TMPRSS7: variants seen among roughly 807,000 people sequenced by gnomAD.
The protein encoded by TMPRSS7 is transmembrane protease serine 7.
TMPRSS7 carries 81 observed loss-of-function variants against 95.6 expected under a neutral mutation model. The ratio of observed to expected loss-of-function variants is 0.85; its 90% CI spans 0.71 to 1.02. The LOEUF (loss-of-function observed/expected upper bound fraction) is 1.02. Ranked by LOEUF, TMPRSS7 falls within the 50% of genes least tolerant of loss-of-function variation. The pLI is 0.00. For missense variants in TMPRSS7, 945 were observed against 955.2 expected (o/e 0.99, Z 0.14); for synonymous variants, 364 against 337.8 (o/e 1.08, Z -0.85).
chr3:112,063,234 AC>A (rs112671884), intron 11 of TMPRSS7, among the ~76,000 whole-genome samples: 5,021 of 152,266 alleles, frequency 0.033, 250 homozygotes, highest in African/African-American at 0.1. Flanking sequence ...TGACAAAGTC[AC>A]CCAGCTGAGA....
chr3:112,045,976 T>C, intron 5 of TMPRSS7, 33 bp downstream of exon 5: 1 of 1,509,458 alleles, frequency 6.6e-7, no homozygotes, highest in Non-Finnish European at 9.0e-7. Context: ...TTAGCATTCC[T>C]TCCTGCAGGA....
At chr3:112,078,947 C>T (rs2073747174) in intron 17 of TMPRSS7, 69 bp downstream of exon 17, 3 of 1,557,326 alleles carry the variant, frequency 1.9e-6, no homozygotes, top group Non-Finnish European at 2.6e-6. Flanking sequence ...ACTTAATCTA[C>T]ATAACACTGG....
intron 9 of TMPRSS7, among the ~76,000 whole-genome samples, chr3:112,051,694 TCTCTATTAC>T (rs1194112193): frequency 5.3e-5 from 8 of 150,500 alleles, no homozygotes; most frequent in East Asian, 1.9e-4. Context: ...TATCTATCTA[TCTCTATTAC>T]CTATCTATCT....
intron 15 of TMPRSS7, among the ~76,000 whole-genome samples, chr3:112,076,439 C>A (rs901345175): frequency 6.6e-6 from 1 of 152,170 alleles, no homozygotes; most frequent in African/African-American, 2.4e-5. Context: ...CTGCTTATAG[C>A]ACTTTGATTT....
At chr3:112,075,541 C>G (rs757090455) in intron 15 of TMPRSS7, 49 bp downstream of exon 15, 2 of 1,324,964 alleles carry the variant, frequency 1.5e-6, no homozygotes, top group Admixed American at 3.0e-5. Flanking sequence ...TGGCCATAGA[C>G]AATATATCTG....
intron 1 of TMPRSS7, among the ~76,000 whole-genome samples, chr3:112,037,054 A>G (rs993289282): frequency 1.5e-4 from 23 of 152,186 alleles, no homozygotes; most frequent in African/African-American, 5.1e-4. Flanking sequence ...TAACTGCACA[A>G]ATTGTTCGTA....
At chr3:112,055,021 T>C (rs2073415158) in intron 9 of TMPRSS7, among the ~76,000 whole-genome samples, 1 of 152,092 alleles carries the variant, frequency 6.6e-6, no homozygotes, top group Non-Finnish European at 1.5e-5. Context: ...ATGACAGGCG[T>C]GAGCCACTGC....
At chr3:112,047,119 T>C in intron 6 of TMPRSS7, 107 bp downstream of exon 6, 1 of 668,800 alleles carries the variant, frequency 1.5e-6, no homozygotes, top group East Asian at 2.7e-5. Flanking sequence ...TAATTGCAAG[T>C]GACAGAAATG....
At chr3:112,051,033 A>G (rs774768) in intron 9 of TMPRSS7, among the ~76,000 whole-genome samples, 47,037 of 152,006 alleles carry the variant, frequency 0.31, 7,425 homozygotes, top group African/African-American at 0.35. Flanking sequence ...CAAAGGCATT[A>G]TTGAAGGTTC....
chr3:112,053,874 A>G (rs1390175759), intron 9 of TMPRSS7, among the ~76,000 whole-genome samples: 1 of 152,084 alleles, frequency 6.6e-6, no homozygotes, highest in Non-Finnish European at 1.5e-5. Context: ...AACATTTACC[A>G]CCTCCCTTCT....
At chr3:112,042,654 T>C (rs182675654) in intron 3 of TMPRSS7, among the ~76,000 whole-genome samples, 36 of 152,350 alleles carry the variant, frequency 2.4e-4, no homozygotes, top group African/African-American at 8.7e-4. Flanking sequence ...TATTGCATGC[T>C]TCTATGCACG....
chr3:112,037,839 C>T (rs2073163043), intron 1 of TMPRSS7, among the ~76,000 whole-genome samples: 1 of 152,086 alleles, frequency 6.6e-6, no homozygotes, highest in African/African-American at 2.4e-5. Flanking sequence ...CAATAGAAAC[C>T]ATTTCACTAG....
At chr3:112,062,293 C>T (rs750461612) in intron 11 of TMPRSS7, among the ~76,000 whole-genome samples, 4 of 152,148 alleles carry the variant, frequency 2.6e-5, no homozygotes, top group Non-Finnish European at 5.9e-5. Flanking sequence ...GTAGTGGATC[C>T]AAAGCCAACA....
intron 1 of TMPRSS7, among the ~76,000 whole-genome samples, chr3:112,037,857 A>G (rs2073163209): frequency 6.6e-6 from 1 of 152,224 alleles, no homozygotes. Context: ...TAGGGTTTGT[A>G]TACAGTAATG....
intron 9 of TMPRSS7, among the ~76,000 whole-genome samples, chr3:112,054,074 A>T (rs1467364923): frequency 6.6e-6 from 1 of 152,224 alleles, no homozygotes; most frequent in Non-Finnish European, 1.5e-5. Flanking sequence ...AAGATTCCCC[A>T]GAAGGGAGCT....
chr3:112,051,307 G>A (rs1434441451), intron 9 of TMPRSS7, among the ~76,000 whole-genome samples: 1 of 151,940 alleles, frequency 6.6e-6, no homozygotes, highest in African/African-American at 2.4e-5. Context: ...ATTGTATTAG[G>A]TATTATAAGT....
rs141534539 is a variant in TMPRSS7 at position 112,060,242 on chromosome 3, G to A, written c.1311-1545G>A. On this transcript the variant is annotated intron_variant, in intron 10 of 17. Transcript: ENST00000452346. Reference sequence around the variant, plus strand: ...GCAGGGCGAGATCACAGGACCACAGGACCGGGGCAAAATTAAAATTGCTAA... The same window carrying A: ...GCAGGGCGAGATCACAGGACCACAGAACCGGGGCAAAATTAAAATTGCTAA... Among the ~76,000 whole-genome samples the A allele has an allele frequency of 8.0e-3, 1,223 of 152,296 alleles. 18 individuals are homozygous for A. The highest frequency in any genetic ancestry group is 0.028 in the African/African-American group (1,161 of 41,560).
intron 12 of TMPRSS7, among the ~76,000 whole-genome samples, chr3:112,065,453 C>T (rs991629459): frequency 2.0e-5 from 3 of 152,148 alleles, no homozygotes; most frequent in African/African-American, 7.2e-5. Flanking sequence ...AAATACTGAT[C>T]ATTATATAAT....
At chr3:112,057,929 T>C (rs988375943) in intron 10 of TMPRSS7, among the ~76,000 whole-genome samples, 15 of 152,142 alleles carry the variant, frequency 9.9e-5, no homozygotes, top group African/African-American at 2.7e-4. Context: ...TTTTGCCATG[T>C]TGGCCGGGCT....
Sources: allele counts gnomAD v4.1 joint callset (sites outside exome capture counted in the v4.1 genomes callset), GRCh38; gene constraint gnomAD v4.1.1; transcripts MANE v1.5; gene names NCBI Gene and HGNC (gene_info 2026-07-23, HGNC 2026-07-21).